IL33: variants seen among roughly 807,000 people sequenced by gnomAD.
The protein encoded by IL33 is interleukin 33.
IL33 carries 37 observed loss-of-function variants against 27.3 expected under a neutral mutation model. That is an observed-to-expected ratio of 1.36 (90% confidence interval 1.04 to 1.78). The LOEUF (loss-of-function observed/expected upper bound fraction) is 1.78, where lower values mean the gene tolerates loss of function less well. IL33 is among the 40% of genes most tolerant of loss of function. IL33 has a pLI of 0.00. For missense variants in IL33, 406 were observed against 311.4 expected (o/e 1.30, Z -2.29); for synonymous variants, 132 against 102.9 (o/e 1.28, Z -1.71).
intron 7 of IL33, among the ~76,000 whole-genome samples, 156 bp downstream of exon 7, chr9:6,254,709 C>CT (rs915602551): frequency 2.0e-5 from 3 of 152,034 alleles, no homozygotes; most frequent in African/African-American, 7.2e-5. Flanking sequence ...CTACAAATGA[C>CT]TTGCTTCTAG....
intron 1 of IL33, among the ~76,000 whole-genome samples, chr9:6,238,483 T>G (rs1427028002): frequency 1.3e-5 from 2 of 152,198 alleles, no homozygotes; most frequent in Admixed American, 1.3e-4. Context: ...ATAGGTGGCA[T>G]GCACATAATG....
At chr9:6,233,378 C>T (rs1285624243) in intron 1 of IL33, among the ~76,000 whole-genome samples, 2 of 152,176 alleles carry the variant, frequency 1.3e-5, no homozygotes, top group South Asian at 2.1e-4. Flanking sequence ...TCCTCCTCTA[C>T]TGCAGGAAGA....
At chr9:6,228,483 A>T (rs944486036) in intron 1 of IL33, among the ~76,000 whole-genome samples, 1 of 152,166 alleles carries the variant, frequency 6.6e-6, no homozygotes, top group African/African-American at 2.4e-5. Context: ...GAGTTAAACT[A>T]AAACCAAAGG....
chr9:6,249,439 C>T (rs146602900), intron 2 of IL33, among the ~76,000 whole-genome samples: 183 of 152,198 alleles, frequency 1.2e-3, no homozygotes, highest in African/African-American at 4.1e-3. Flanking sequence ...AATTGAGATC[C>T]TATGACTCAT....
intron 1 of IL33, among the ~76,000 whole-genome samples, chr9:6,232,309 G>A (rs1373581615): frequency 3.3e-5 from 5 of 152,086 alleles, no homozygotes; most frequent in African/African-American, 4.8e-5. Context: ...AGAAAACTAC[G>A]CAAATTTGCA....
chr9:6,225,273 A>G (rs1818578728), intron 1 of IL33, among the ~76,000 whole-genome samples: 1 of 152,240 alleles, frequency 6.6e-6, no homozygotes, highest in Non-Finnish European at 1.5e-5. Context: ...TACATGAAAC[A>G]TAAGGAATCA....
chr9:6,220,028 T>C (rs990917341), intron 1 of IL33, among the ~76,000 whole-genome samples: 4 of 152,248 alleles, frequency 2.6e-5, no homozygotes, highest in African/African-American at 4.8e-5. Flanking sequence ...CATTTTCAAA[T>C]ATGAAAATAT....
chr9:6,250,000 C>A (rs1354665459), intron 2 of IL33, among the ~76,000 whole-genome samples: 1 of 152,088 alleles, frequency 6.6e-6, no homozygotes, highest in East Asian at 1.9e-4. Context: ...GTAAAAGATA[C>A]CCCTCAATTA....
At chr9:6,236,395 T>C (rs1819212908) in intron 1 of IL33, among the ~76,000 whole-genome samples, 1 of 152,234 alleles carries the variant, frequency 6.6e-6, no homozygotes, top group Non-Finnish European at 1.5e-5. Flanking sequence ...TGCACATGTA[T>C]CTTTTTTATA....
intron 1 of IL33, among the ~76,000 whole-genome samples, chr9:6,231,313 T>C (rs1818917446): frequency 6.6e-6 from 1 of 152,166 alleles, no homozygotes; most frequent in South Asian, 2.1e-4. Flanking sequence ...TGTCCCCTTC[T>C]CTCTACAGCC....
intron 2 of IL33, 42 bp downstream of exon 2, chr9:6,241,827 T>C: frequency 7.6e-7 from 1 of 1,311,306 alleles, no homozygotes; most frequent in South Asian, 1.3e-5. Context: ...CGCACTATTT[T>C]TATCTGTTAT....
At chr9:6,252,034 AG>A (rs1816392852) in intron 4 of IL33, among the ~76,000 whole-genome samples, 1 of 47,862 alleles carries the variant, frequency 2.1e-5, no homozygotes, top group African/African-American at 7.2e-5. Flanking sequence ...CGGCTGTCTC[AG>A]AAAAAAAACA....
At chr9:6,218,901 T>TATATATATATGTTCTCC (rs1818290090) in intron 1 of IL33, among the ~76,000 whole-genome samples, 1 of 4,072 alleles carries the variant, frequency 2.5e-4, no homozygotes, top group Non-Finnish European at 4.7e-4. Flanking sequence ...ATGTTCTCCA[T>TATATATATATGTTCTCC]ATATATATAT....
At chr9:6,244,021 G>A (rs1388799279) in intron 2 of IL33, among the ~76,000 whole-genome samples, 1 of 152,170 alleles carries the variant, frequency 6.6e-6, no homozygotes, top group Admixed American at 6.5e-5. Context: ...CAGTGACTCA[G>A]TGACTTTGCA....
intron 1 of IL33, among the ~76,000 whole-genome samples, chr9:6,225,511 C>T (rs1293038657): frequency 2.6e-5 from 4 of 152,188 alleles, no homozygotes; most frequent in Non-Finnish European, 4.4e-5. Context: ...CTTTCCTCAT[C>T]TGTAAAATAA....
chr9:6,253,498 G>T, intron 5 of IL33, 54 bp from the exon 6 acceptor site: 1 of 1,326,436 alleles, frequency 7.5e-7, no homozygotes, highest in Non-Finnish European at 1.1e-6. Context: ...TGTTGGAACT[G>T]AAAACTTAAC....
At chr9:6,237,703 G>A (rs1008083939) in intron 1 of IL33, among the ~76,000 whole-genome samples, 1 of 152,134 alleles carries the variant, frequency 6.6e-6, no homozygotes, top group Non-Finnish European at 1.5e-5. Context: ...ATGTAGATTG[G>A]AACATTTCCC....
chr9:6,225,320 C>T (rs549511057), intron 1 of IL33, among the ~76,000 whole-genome samples: 2 of 152,268 alleles, frequency 1.3e-5, no homozygotes, highest in South Asian at 4.1e-4. Context: ...CTCTACTTTT[C>T]TTCACATTTT....
intron 1 of IL33, among the ~76,000 whole-genome samples, chr9:6,238,417 T>C (rs1016571488): frequency 6.6e-6 from 1 of 152,166 alleles, no homozygotes; most frequent in Non-Finnish European, 1.5e-5. Context: ...AGGGACAGAA[T>C]AGGTAGTCTT....
Sources: allele counts gnomAD v4.1 joint callset (sites outside exome capture counted in the v4.1 genomes callset), GRCh38; gene constraint gnomAD v4.1.1; transcripts MANE v1.5; gene names NCBI Gene and HGNC (gene_info 2026-07-23, HGNC 2026-07-21).